The following CIT variants were observed in gnomAD, a reference collection of about 807,000 sequenced individuals.
The protein encoded by CIT is citron Rho-interacting kinase.
Under a neutral mutation model 272.7 loss-of-function variants are expected in CIT, and 79 were observed. The ratio of observed to expected loss-of-function variants is 0.29; its 90% confidence interval spans 0.24 to 0.35. The LOEUF is 0.35. CIT is among the 10% of genes least tolerant of loss of function. The pLI is 1.00. For missense variants in CIT, 1,909 were observed against 2,618.3 expected, an observed-to-expected ratio of 0.73 and a Z score of 5.91; for synonymous variants, 948 against 995.6, an observed-to-expected ratio of 0.95 and a Z score of 0.90.
chr12:119,748,829 G>C (rs1392575564), intron 23 of CIT, among the ~76,000 whole-genome samples: 1 of 152,174 alleles, frequency 6.6e-6, no homozygotes, highest in Non-Finnish European at 1.5e-5. Context: ...AGGCCTGGCC[G>C]GTGCACACAG....
intron 32 of CIT, among the ~76,000 whole-genome samples, chr12:119,716,802 A>G (rs2137103383): frequency 6.6e-6 from 1 of 152,312 alleles, no homozygotes. Flanking sequence ...TGTCCTCTGC[A>G]AGGTGTTTAC....
chr12:119,797,721 G>A (rs1566059414), intron 10 of CIT, among the ~76,000 whole-genome samples: 1 of 152,192 alleles, frequency 6.6e-6, no homozygotes, highest in Non-Finnish European at 1.5e-5. Flanking sequence ...ATGTAGAAAG[G>A]AAAACACTTT....
At chr12:119,833,277 G>A (rs1330857025) in intron 6 of CIT, among the ~76,000 whole-genome samples, 1 of 152,142 alleles carries the variant, frequency 6.6e-6, no homozygotes, top group African/African-American at 2.4e-5. Flanking sequence ...CTCAAATTTT[G>A]TGATTCCTGG....
chr12:119,806,701 C>G (rs1465848858), intron 9 of CIT, among the ~76,000 whole-genome samples: 1 of 148,968 alleles, frequency 6.7e-6, no homozygotes. Flanking sequence ...ACAACTACAC[C>G]TTACGGGTGC....
intron 14 of CIT, 105 bp downstream of exon 14, chr12:119,776,567 T>C (rs1593699871): frequency 1.6e-6 from 2 of 1,213,364 alleles, no homozygotes; most frequent in Admixed American, 2.2e-5. Flanking sequence ...TATCCTACTA[T>C]TTCTCAAACT....
In CIT at chr12:119,734,274, T is replaced by A. The variant is rs774062751; in HGVS notation, c.3240A>T (p.Glu1080Asp). The A allele has an allele frequency of 4.3e-6, 7 of 1,613,944 alleles. No homozygotes were observed. The highest frequency in any genetic ancestry group is 5.9e-6 in the Non-Finnish European group (7 of 1,179,984). ...DLEALNDELLEKERQWEAWRS... is the reference protein window; with the variant it reads ...DLEALNDELLDKERQWEAWRS... The stretch of plus-strand genomic sequence containing the variant: ...TCCAGGCCTCCCACTGCCGCTCTTT[T>A]TCTAGCAGCTCATCGTTTAGGGCCT... Residue 1080 changes from glutamate (E) to aspartate (D), a missense_variant, in exon 26 of 48, where the codon GAA (glutamate) becomes GAT (aspartate). Physicochemically the swap from Glu to Asp is conservative, Grantham distance 45. Transcript: ENST00000392521.
chr12:119,737,231 C>T (rs1048691990), intron 24 of CIT, among the ~76,000 whole-genome samples: 5 of 136,032 alleles, frequency 3.7e-5, no homozygotes, highest in East Asian at 2.2e-4. Flanking sequence ...GGCATGAACC[C>T]GGGAGGCGGA....
At chr12:119,771,004 C>T in intron 17 of CIT, 94 bp from the exon 18 acceptor site, 30 of 1,458,074 alleles carry the variant, frequency 2.1e-5, no homozygotes, top group Non-Finnish European at 2.7e-5. Context: ...GAAGCATACA[C>T]TCGAGTCAGG....
chr12:119,769,222 C>T (rs564961018), intron 18 of CIT, among the ~76,000 whole-genome samples: 3 of 152,222 alleles, frequency 2.0e-5, no homozygotes, highest in African/African-American at 7.2e-5. Flanking sequence ...GAGTTTATAA[C>T]ACATAATCCA....
rs377661639 is a variant in CIT at position 119,770,708 on chromosome 12, ATTC to A, written c.2208+74_2208+76del. On this transcript the variant is annotated intron_variant, in intron 18 of 47. Transcript: ENST00000392521. The surrounding 1 kb of genome is among the most constrained non-coding windows in gnomAD (Gnocchi z 4.4). The stretch of plus-strand genomic sequence containing the variant: ...GATACCTCCCTTATTGTGGCGGTTA[ATTC>A]TTCTTCTTACCCCCTTCCCTTTGCA... 1.5e-5 allele frequency: 24 copies of A among 1,553,248 alleles called. No homozygotes were observed. In the African/African-American group the frequency reaches 3.1e-4, roughly 20 times the overall value.
intron 5 of CIT, among the ~76,000 whole-genome samples, chr12:119,840,194 T>C (rs1969314471): frequency 6.6e-6 from 1 of 152,170 alleles, no homozygotes; most frequent in East Asian, 1.9e-4. Flanking sequence ...AGTATATGCC[T>C]ATAGTCCCAG....
At chr12:119,802,666 T>G (rs1377387768) in intron 10 of CIT, among the ~76,000 whole-genome samples, 2 of 152,202 alleles carry the variant, frequency 1.3e-5, no homozygotes, top group Non-Finnish European at 2.9e-5. Flanking sequence ...TCTTGCAGCA[T>G]ACTTGGAGAG....
intron 5 of CIT, among the ~76,000 whole-genome samples, chr12:119,842,001 A>C (rs2138186664): frequency 6.6e-6 from 1 of 152,342 alleles, no homozygotes; most frequent in Middle Eastern, 3.4e-3. Flanking sequence ...TAAGGTTAGA[A>C]CATGGAAAAG....
chr12:119,876,091 C>T lies in CIT; in HGVS notation c.78G>A (p.Arg26=). 1 of 1,613,720 alleles carries T rather than the reference C, an allele frequency of 6.2e-7. No individual in the cohort carries two copies. The highest frequency in any genetic ancestry group is 1.1e-5 in the South Asian group (1 of 91,038). Residue 26 remains arginine (R), a synonymous_variant, in exon 2 of 48, where the codon AGG becomes AGA. Transcript: ENST00000392521. ...CTGTTACCTGGAAGAACAGATTCAG[C>T]CTGGAGGCCCGGCTGGCAATGGGTT... The part of the protein sequence containing the change: ...AAEPIASRAS[R]LNLFFQGKPP...
intron 10 of CIT, among the ~76,000 whole-genome samples, chr12:119,787,559 G>A (rs557412540): frequency 1.3e-5 from 2 of 151,330 alleles, no homozygotes; most frequent in African/African-American, 4.8e-5. Flanking sequence ...GTGAAACCTC[G>A]TCTCTACTAA....
intron 30 of CIT, among the ~76,000 whole-genome samples, chr12:119,719,191 G>T (rs1480159835): frequency 6.6e-6 from 1 of 152,176 alleles, no homozygotes; most frequent in Non-Finnish European, 1.5e-5. Flanking sequence ...AGAGTATGGA[G>T]TATGGAGTCA....
At chr12:119,833,178 C>T (rs1968762999) in intron 6 of CIT, among the ~76,000 whole-genome samples, 1 of 152,126 alleles carries the variant, frequency 6.6e-6, no homozygotes, top group African/African-American at 2.4e-5. Flanking sequence ...TAGAGACACA[C>T]ATTTCACATG....
chr12:119,735,116 T>C (rs1387368067), intron 25 of CIT, 44 bp downstream of exon 25: 1 of 1,599,714 alleles, frequency 6.3e-7, no homozygotes, highest in Non-Finnish European at 8.6e-7. Flanking sequence ...AAAATCCTTC[T>C]AAAAGTCCTC....
chr12:119,708,327 G>C lies in CIT; in HGVS notation c.5072-9C>G. The C allele has an allele frequency of 1.3e-6, 2 of 1,572,582 alleles. No individual in the cohort carries two copies. The highest frequency in any genetic ancestry group is 1.7e-6 in the Non-Finnish European group (2 of 1,158,474). On this transcript the variant is annotated splice_polypyrimidine_tract_variant and intron_variant, in intron 39 of 47. Coordinates refer to ENST00000392521, the MANE Select transcript of CIT (RefSeq NM_001206999.2). The stretch of plus-strand genomic sequence containing the variant: ...CAGTGCCCGCTCTTCTCCTGAACAG[G>C]AAAAGGAACAACCTCTCGTCAGTGT...
Sources: allele counts gnomAD v4.1 joint callset (sites outside exome capture counted in the v4.1 genomes callset), GRCh38; gene constraint gnomAD v4.1.1; non-coding constraint Gnocchi (gnomAD v3.1); transcripts MANE v1.5; gene names NCBI Gene and HGNC (gene_info 2026-07-23, HGNC 2026-07-21).